Variants in IPO11 observed in about 807,000 individuals in gnomAD.
IPO11 encodes importin 11.
A neutral mutation model predicts 143.2 loss-of-function variants in IPO11; 66 were observed. That is an observed-to-expected ratio of 0.46 (90% CI 0.38 to 0.57). The LOEUF (loss-of-function observed/expected upper bound fraction) is 0.57. IPO11 is among the 20% of genes least tolerant of loss of function. IPO11 has a pLI of 0.00. For missense variants in IPO11, 1,026 were observed against 1,141.0 expected (o/e 0.90, Z 1.45); for synonymous variants, 385 against 377.8 (o/e 1.02, Z -0.22).
chr5:62,558,271 A>G (rs1743644827), intron 26 of IPO11, among the ~76,000 whole-genome samples: 1 of 152,252 alleles, frequency 6.6e-6, no homozygotes, highest in Non-Finnish European at 1.5e-5. Context: ...CTGCAGGAGT[A>G]CAGTGAAGAA....
At position 62,607,705 on chromosome 5, in the gene IPO11, A is replaced by G. The variant is rs1745774394; in HGVS notation, c.2763+5857A>G. The stretch of plus-strand genomic sequence containing the variant: ...GAAAATACTTTTTAGTATTCAGCTT[A>G]CATGCAGTCCACCCAGGTTATGAGT... On this transcript the variant is annotated intron_variant, in intron 29 of 29. Transcript: ENST00000325324. 1.3e-5 allele frequency among the ~76,000 whole-genome samples: 2 copies of G among 152,208 alleles called. 1 individual carries two copies. The highest frequency in any genetic ancestry group is 4.1e-4 in the South Asian group (2 of 4,832).
chr5:62,579,975 G>C, intron 27 of IPO11: 2 of 1,551,212 alleles, frequency 1.3e-6, no homozygotes, highest in East Asian at 4.9e-5. Context: ...TTGTTGGTAT[G>C]GTTGCTCTTC....
intron 26 of IPO11, among the ~76,000 whole-genome samples, chr5:62,553,190 G>GT (rs1246789360): frequency 6.6e-6 from 1 of 151,952 alleles, no homozygotes; most frequent in Non-Finnish European, 1.5e-5. Flanking sequence ...GCTTCTACAT[G>GT]TAAGTGAGAA....
intron 29 of IPO11, among the ~76,000 whole-genome samples, chr5:62,611,423 C>T (rs1262422317): frequency 6.6e-6 from 1 of 152,122 alleles, no homozygotes; most frequent in Non-Finnish European, 1.5e-5. Context: ...AGATCCTTCA[C>T]AGTAGGCTAC....
intron 29 of IPO11, among the ~76,000 whole-genome samples, chr5:62,603,386 A>C (rs1745579210): frequency 6.6e-6 from 1 of 152,252 alleles, no homozygotes; most frequent in Non-Finnish European, 1.5e-5. Flanking sequence ...TGCACTTCAA[A>C]AACGAACAAA....
chr5:62,449,064 TG>T (rs1744817276), intron 3 of IPO11, among the ~76,000 whole-genome samples: 1 of 152,148 alleles, frequency 6.6e-6, no homozygotes, highest in Non-Finnish European at 1.5e-5. Context: ...GACAAGGACT[TG>T]TTCTGTTGCT....
chr5:62,504,810 AT>A (rs1741487662), intron 17 of IPO11, 47 bp from the exon 18 acceptor site: 2 of 1,392,872 alleles, frequency 1.4e-6, no homozygotes, highest in Non-Finnish European at 2.0e-6. Context: ...ATACAGATTT[AT>A]TTTGATAAAA....
chr5:62,601,773 G>A lies in IPO11; in HGVS notation c.2688G>A (p.Leu896=). The A allele has an allele frequency of 6.4e-7, 1 of 1,570,914 alleles. No individual in the cohort carries two copies. Among genetic ancestry groups the A allele is most frequent in the South Asian group, 1.2e-5 (1 of 83,336 alleles). The change falls in exon 29 of 30, where the codon TTG becomes TTA. Residue 896 remains leucine, a synonymous_variant. Coordinates refer to ENST00000325324, the MANE Select transcript of IPO11 (RefSeq NM_016338.5). ...PETGTYKDCM[L]MSHLEEPKVT... ...TAAAAAATTATTATAGCTGTATGTT[G>A]ATGTCTCATCTTGAGGAACCAAAAG...
At chr5:62,528,661 T>A (rs956673348) in intron 21 of IPO11, among the ~76,000 whole-genome samples, 2 of 152,060 alleles carry the variant, frequency 1.3e-5, no homozygotes, top group African/African-American at 4.8e-5. Flanking sequence ...TGTAGTGGAA[T>A]GAGATAGGGA....
chr5:62,499,912 T>C (rs1327834481), intron 16 of IPO11, among the ~76,000 whole-genome samples: 1 of 152,208 alleles, frequency 6.6e-6, no homozygotes, highest in Non-Finnish European at 1.5e-5. Flanking sequence ...ATCATTGTCT[T>C]GCACCTCCAC....
At chr5:62,444,763 G>GCT (rs1744655107) in intron 3 of IPO11, among the ~76,000 whole-genome samples, 1 of 152,114 alleles carries the variant, frequency 6.6e-6, no homozygotes, top group African/African-American at 2.4e-5. Flanking sequence ...CAGTTGCTGG[G>GCT]GAGGGTGACA....
At position 62,579,881 on chromosome 5, in the gene IPO11, C is replaced by T; in HGVS notation, c.2583-11696C>T. 3.9e-6 allele frequency: 6 copies of T among 1,550,222 alleles called. No homozygotes were observed. Among genetic ancestry groups the T allele is most frequent in the South Asian group, 1.2e-5 (1 of 84,016 alleles). The stretch of plus-strand genomic sequence containing the variant: ...CAGTATAATCAGGTATCTTTTGTTC[C>T]GAGAGGAGTATTTAATGATCTAGTT... On this transcript the variant is annotated intron_variant, in intron 27 of 29. Transcript: ENST00000325324.
chr5:62,538,655 C>G (rs1008026361), intron 24 of IPO11, among the ~76,000 whole-genome samples: 1 of 152,190 alleles, frequency 6.6e-6, no homozygotes, highest in Non-Finnish European at 1.5e-5. Flanking sequence ...AAACCTCTTT[C>G]CTTTATAAAT....
At chr5:62,504,952 C>A in intron 18 of IPO11, 54 bp downstream of exon 18, 1 of 982,854 alleles carries the variant, frequency 1.0e-6, no homozygotes, top group Non-Finnish European at 1.5e-6. Flanking sequence ...CTGCTTATGT[C>A]TTTGAATACT....
intron 29 of IPO11, among the ~76,000 whole-genome samples, chr5:62,605,912 G>T (rs1356138715): frequency 6.6e-6 from 1 of 151,832 alleles, no homozygotes; most frequent in African/African-American, 2.4e-5. Context: ...TACATGTTTT[G>T]TAGAGACAGG....
At chr5:62,596,780 C>T (rs1327135560) in intron 28 of IPO11, among the ~76,000 whole-genome samples, 1 of 151,788 alleles carries the variant, frequency 6.6e-6, no homozygotes, top group Non-Finnish European at 1.5e-5. Context: ...CCATTCTGCC[C>T]CACTTAAAAT....
chr5:62,608,375 T>A (rs1745806195), intron 29 of IPO11, among the ~76,000 whole-genome samples: 1 of 152,214 alleles, frequency 6.6e-6, no homozygotes, highest in Non-Finnish European at 1.5e-5. Flanking sequence ...GAATCAGGCA[T>A]ACATATTTTC....
At chr5:62,586,228 C>T (rs1470167909) in intron 27 of IPO11, among the ~76,000 whole-genome samples, 1 of 152,158 alleles carries the variant, frequency 6.6e-6, no homozygotes, top group Non-Finnish European at 1.5e-5. Context: ...AGTTTAATTA[C>T]ACATATGTAT....
At chr5:62,530,559 G>A in intron 21 of IPO11, 150 bp from the exon 22 acceptor site, 1 of 567,596 alleles carries the variant, frequency 1.8e-6, no homozygotes, top group Non-Finnish European at 3.2e-6. Flanking sequence ...GAGGCATTTG[G>A]TTAATTCTTT....
Sources: allele counts gnomAD v4.1 joint callset (sites outside exome capture counted in the v4.1 genomes callset), GRCh38; gene constraint gnomAD v4.1.1; transcripts MANE v1.5; gene names NCBI Gene and HGNC (gene_info 2026-07-23, HGNC 2026-07-21).